Variants in FGD1 observed in about 807,000 individuals in gnomAD.
FGD1 encodes the protein FYVE, RhoGEF and PH domain-containing protein 1.
In FGD1, 12 loss-of-function variants were observed where a neutral mutation model predicts 65.0. The observed-to-expected ratio is 0.18, with a 90% CI of 0.12 to 0.30. The LOEUF is 0.30. FGD1 is among the 10% of genes least tolerant of loss of function. FGD1 has a pLI of 1.00. For synonymous variants in FGD1, 333 were observed against 343.9 expected (o/e 0.97, Z 0.35); for missense variants, 542 against 837.6 (o/e 0.65, Z 4.36).
At chrX:54,486,635 C>A (rs1923284914) in intron 1 of FGD1, among the ~76,000 whole-genome samples, 1 of 108,742 alleles carries the variant, frequency 9.2e-6, no homozygotes, top group African/African-American at 3.3e-5. Flanking sequence ...CCCGCCTTGG[C>A]CTCCCAAAGT....
intron 1 of FGD1, among the ~76,000 whole-genome samples, chrX:54,484,896 C>A (rs1923237185): frequency 8.9e-6 from 1 of 112,974 alleles, no homozygotes; most frequent in East Asian, 2.8e-4. Context: ...CCACATCTGC[C>A]TAAGGCATTT....
At chrX:54,483,353 G>GGAAGGCAAAGGCAAAGGC (rs777697059) in intron 1 of FGD1, among the ~76,000 whole-genome samples, 202 of 112,459 alleles carry the variant, frequency 1.8e-3, no homozygotes, top group African/African-American at 5.9e-3. Flanking sequence ...GGGGGAGCAG[G>GGAAGGCAAAGGCAAAGGC]GAAGGCAAAG....
At chrX:54,459,645 C>G (rs199737282) in intron 8 of FGD1, among the ~76,000 whole-genome samples, 1 of 111,307 alleles carries the variant, frequency 9.0e-6, no homozygotes, top group African/African-American at 3.3e-5. Flanking sequence ...GCTCAGCTTA[C>G]GATCTTGGGC....
At chrX:54,484,690 C>CG (rs1431320089) in intron 1 of FGD1, among the ~76,000 whole-genome samples, 4 of 112,363 alleles carry the variant, frequency 3.6e-5, no homozygotes, top group African/African-American at 1.3e-4. Context: ...TTTCAGACAC[C>CG]GTTTGGAGGT....
intron 1 of FGD1, among the ~76,000 whole-genome samples, chrX:54,475,266 G>C (rs1044455538): frequency 8.9e-6 from 1 of 112,438 alleles, no homozygotes; most frequent in African/African-American, 3.2e-5. Context: ...TGGAGTCAGA[G>C]AGAGAGGCAG....
intron 8 of FGD1, among the ~76,000 whole-genome samples, chrX:54,464,125 CTCTTT>C (rs1402338451): frequency 1.2e-5 from 1 of 85,792 alleles, no homozygotes; most frequent in Non-Finnish European, 2.1e-5. Flanking sequence ...CCACGCCCAG[CTCTTT>C]TTTTTTTTTT....
Position 54,453,405 on chromosome X carries a change from C to T in FGD1, c.2015+2043G>A, listed in dbSNP as rs772212910. On this transcript the variant is annotated intron_variant, in intron 12 of 17. Coordinates refer to ENST00000375135, the MANE Select transcript of FGD1 (RefSeq NM_004463.3). ...CTGCTGACATGCATCCATCCTCTGG[C>T]CCTCACCATGACCCTGATACCCTTT... Among the ~76,000 whole-genome samples the T allele has an allele frequency of 5.4e-5, 6 of 111,666 alleles. No homozygotes were observed. The Admixed American group carries it at 5.7e-4, about 11-fold the overall frequency.
intron 17 of FGD1, among the ~76,000 whole-genome samples, chrX:54,446,725 T>TC (rs1427763084): frequency 1.1e-5 from 1 of 91,547 alleles, no homozygotes; most frequent in African/African-American, 3.7e-5. Context: ...TGCATACTTT[T>TC]TTTTTTTTTT....
rs1922156587 is a variant in FGD1 at position 54,446,129 on chromosome X, G to A, written c.2866C>T (p.Gln956Ter). 8.3e-7 allele frequency: 1 copy of A among 1,208,582 alleles called. No homozygotes were observed. The highest frequency in any genetic ancestry group is 1.1e-6 in the Non-Finnish European group (1 of 893,801). Reference sequence around the variant, plus strand: ...ACCCTCTAGGTCTTGTCTCGGGTCTGGGGGGATTCGGGGGGTTCAGCAGTG... The same window carrying A: ...ACCCTCTAGGTCTTGTCTCGGGTCTAGGGGGATTCGGGGGGTTCAGCAGTG... ...GATAEPPESP[Q>*]TRDKT Residue 956 changes from glutamine to a stop codon, truncating the protein, a stop_gained, in exon 18 of 18, where the codon CAG (glutamine) becomes TAG (stop). Transcript: ENST00000375135. LOFTEE classifies it high-confidence loss of function.
intron 8 of FGD1, among the ~76,000 whole-genome samples, chrX:54,459,121 C>G (rs1311458423): frequency 3.6e-5 from 4 of 111,494 alleles, no homozygotes; most frequent in African/African-American, 1.3e-4. Flanking sequence ...AGGGGGCACC[C>G]AGGGAAGGGG....
chrX:54,446,797 C>T (rs1243621496), intron 17 of FGD1, among the ~76,000 whole-genome samples: 1 of 103,714 alleles, frequency 9.6e-6, no homozygotes, highest in Non-Finnish European at 2.0e-5. Context: ...GAACTTGGCT[C>T]ACTGCAACCT....
At chrX:54,451,911 T>C (rs1446148890) in intron 12 of FGD1, among the ~76,000 whole-genome samples, 21 of 109,822 alleles carry the variant, frequency 1.9e-4, no homozygotes, top group East Asian at 2.9e-4. Flanking sequence ...AGAAATATTT[T>C]ATTTATCTAT....
chrX:54,482,218 A>G (rs1048383437), intron 1 of FGD1, among the ~76,000 whole-genome samples: 11 of 95,737 alleles, frequency 1.1e-4, no homozygotes, highest in African/African-American at 4.6e-4. Flanking sequence ...GGCCAGGCAC[A>G]TGCGCGCGCA....
At chrX:54,486,253 AT>A (rs35938329) in intron 1 of FGD1, among the ~76,000 whole-genome samples, 24 of 94,733 alleles carry the variant, frequency 2.5e-4, no homozygotes, top group Non-Finnish European at 3.4e-4. Flanking sequence ...TACCTGGATG[AT>A]TTTTTTTTTC....
intron 1 of FGD1, among the ~76,000 whole-genome samples, chrX:54,486,085 T>C (rs1237546136): frequency 9.2e-6 from 1 of 108,551 alleles, no homozygotes; most frequent in Non-Finnish European, 1.9e-5. Context: ...TATGCTTTAT[T>C]TTATTTATTT....
chrX:54,495,163 G>A lies in FGD1; in HGVS notation c.270C>T (p.Arg90=). The A allele has an allele frequency of 1.7e-6, 2 of 1,188,280 alleles. No homozygotes were observed. The highest frequency in any genetic ancestry group is 2.4e-5 in the Admixed American group (1 of 42,238). ...GPSPQHHRAL[R]FSYHLEGSQP... ...GCGAGCCCTCCAGGTGGTAAGAGAAGCGCAGGGCCCGGTGGTGCTGTGGAC... is the reference window on the plus strand; with the variant it reads ...GCGAGCCCTCCAGGTGGTAAGAGAAACGCAGGGCCCGGTGGTGCTGTGGAC... Residue 90 remains arginine (R), a synonymous_variant, in exon 1 of 18, where the codon CGC becomes CGT. Coordinates refer to ENST00000375135, the MANE Select transcript of FGD1 (RefSeq NM_004463.3).
chrX:54,476,070 A>G (rs918595871), intron 1 of FGD1, among the ~76,000 whole-genome samples: 17 of 110,774 alleles, frequency 1.5e-4, no homozygotes, highest in African/African-American at 5.6e-4. Flanking sequence ...TGTCTCAAAA[A>G]CAAACAAACA....
chrX:54,458,321 G>A (rs1922553709), intron 8 of FGD1, among the ~76,000 whole-genome samples: 1 of 110,186 alleles, frequency 9.1e-6, no homozygotes, highest in African/African-American at 3.3e-5. Context: ...GGCCGAGGGG[G>A]GCAGATCACC....
At position 54,445,691 on chromosome X, in the gene FGD1, A is replaced by G. The variant is rs371013545; in HGVS notation, c.*418T>C. ...CACGTGGAGTTGTACGTGTGAAGAC[A>G]CTGGCTGAGGAGGCAGGGCTGGGTC... On this transcript the variant is annotated 3_prime_UTR_variant, in exon 18 of 18. Transcript: ENST00000375135. 4.3e-3 allele frequency: 601 copies of G among 140,318 alleles called. 4 individuals carry two copies. The highest frequency in any genetic ancestry group is 0.019 in the African/African-American group (584 of 30,750). 11.6% of individuals were successfully genotyped at this position (140,318 alleles called of 1,213,427 possible).
Sources: allele counts gnomAD v4.1 joint callset (sites outside exome capture counted in the v4.1 genomes callset), GRCh38; gene constraint gnomAD v4.1.1; transcripts MANE v1.5; gene names NCBI Gene and HGNC (gene_info 2026-07-23, HGNC 2026-07-21).